The following DEPTOR variants were observed in gnomAD, a reference collection of about 807,000 sequenced individuals.
The protein encoded by DEPTOR is DEP domain-containing mTOR-interacting protein.
DEPTOR carries 41 observed loss-of-function variants against 41.6 expected under a neutral mutation model. The observed-to-expected ratio is 0.98, with a 90% CI of 0.77 to 1.28. The LOEUF (loss-of-function observed/expected upper bound fraction) is 1.28, where lower values mean the gene tolerates loss of function less well. DEPTOR is among the 50% of genes most tolerant of loss of function. DEPTOR has a pLI of 0.00. For synonymous variants in DEPTOR, 195 were observed against 192.3 expected, an observed-to-expected ratio of 1.01 and a Z score of -0.12; for missense variants, 514 against 527.9, an observed-to-expected ratio of 0.97 and a Z score of 0.26.
intron 1 of DEPTOR, among the ~76,000 whole-genome samples, chr8:119,879,573 G>A (rs1009318412): frequency 4.6e-5 from 7 of 151,158 alleles, no homozygotes; most frequent in East Asian, 2.0e-4. Flanking sequence ...TTATCTGTGC[G>A]TGGTGGTACA....
chr8:120,011,055 T>C (rs142993757), intron 8 of DEPTOR, among the ~76,000 whole-genome samples: 77 of 152,324 alleles, frequency 5.1e-4, no homozygotes, highest in African/African-American at 1.8e-3. Flanking sequence ...TCCTCTTCCA[T>C]CAGTCTTTTC....
chr8:119,994,032 T>C (rs1812216428), intron 4 of DEPTOR, among the ~76,000 whole-genome samples: 1 of 151,864 alleles, frequency 6.6e-6, no homozygotes, highest in South Asian at 2.1e-4. Flanking sequence ...GGCAGGTGCC[T>C]GTAATCCCAG....
intron 4 of DEPTOR, among the ~76,000 whole-genome samples, chr8:119,993,140 G>A (rs566353129): frequency 1.3e-5 from 2 of 152,174 alleles, no homozygotes; most frequent in East Asian, 1.9e-4. Flanking sequence ...ATGTAGTCAC[G>A]TTATCCCCAG....
chr8:120,047,689 T>G (rs1387338277), intron 8 of DEPTOR, among the ~76,000 whole-genome samples: 4 of 146,664 alleles, frequency 2.7e-5, no homozygotes, highest in East Asian at 2.2e-4. Context: ...TTTTCTAAAT[T>G]TTAAATGCTG....
Position 119,928,473 on chromosome 8 carries a change from G to T in DEPTOR, c.196G>T (p.Ala66Ser), listed in dbSNP as rs149224142. The T allele has an allele frequency of 3.7e-6, 6 of 1,614,002 alleles. No homozygotes were observed. Among genetic ancestry groups the T allele is most frequent in the African/African-American group, 1.3e-5 (1 of 74,898 alleles). Residue 66 changes from alanine (A) to serine (S), a missense_variant, in exon 2 of 9, where the codon GCA (alanine) becomes TCA (serine). Transcript: ENST00000286234. ...CAAGACCTACCCAAACTGTTTTGTC[G>T]CAAAAGAACTGATTGACTGGCTGAT... is the stretch of plus-strand genomic sequence containing the variant. ...HLKTYPNCFV[A>S]KELIDWLIEH...
At chr8:119,942,643 G>A (rs1359948112) in intron 3 of DEPTOR, among the ~76,000 whole-genome samples, 3 of 152,184 alleles carry the variant, frequency 2.0e-5, no homozygotes, top group Admixed American at 1.3e-4. Context: ...CCAAGTTTCT[G>A]TAACACTGAT....
intron 1 of DEPTOR, among the ~76,000 whole-genome samples, chr8:119,885,553 G>A (rs1005490450): frequency 5.9e-5 from 9 of 152,140 alleles, no homozygotes; most frequent in South Asian, 4.1e-4. Context: ...AGCCTAGGTC[G>A]TCATGAGAGA....
intron 3 of DEPTOR, among the ~76,000 whole-genome samples, chr8:119,932,461 T>C (rs1828057429): frequency 6.6e-6 from 1 of 152,216 alleles, no homozygotes; most frequent in Non-Finnish European, 1.5e-5. Flanking sequence ...GCAGACTTAC[T>C]CCAGCCTCAT....
At chr8:119,985,250 A>G (rs1490960931) in intron 4 of DEPTOR, among the ~76,000 whole-genome samples, 1 of 152,156 alleles carries the variant, frequency 6.6e-6, no homozygotes, top group Non-Finnish European at 1.5e-5. Flanking sequence ...TCGCCATTCT[A>G]ACTGGCATGA....
At chr8:119,901,664 A>T (rs1365724749) in intron 1 of DEPTOR, among the ~76,000 whole-genome samples, 1 of 149,440 alleles carries the variant, frequency 6.7e-6, no homozygotes, top group African/African-American at 2.5e-5. Flanking sequence ...CAACAGAGCA[A>T]GACTCTGTCT....
At chr8:119,918,938 A>AGTGTGTGTGTGTGTGTGTGTGTGT (rs751715374) in intron 1 of DEPTOR, among the ~76,000 whole-genome samples, 3 of 133,556 alleles carry the variant, frequency 2.2e-5, no homozygotes, top group South Asian at 2.6e-4. Context: ...TTGCATAGTG[A>AGTGTGTGTGTGTGTGTGTGTGTGT]GTGTGTGTGT....
chr8:120,021,224 G>A (rs184223038), intron 8 of DEPTOR, among the ~76,000 whole-genome samples: 2,023 of 151,924 alleles, frequency 0.013, 39 homozygotes, highest in African/African-American at 0.046. Context: ...CCAACATGGC[G>A]AAACCCCGTC....
chr8:119,982,014 TAAAAAAAAA>T lies in DEPTOR; in HGVS notation c.604+16622_604+16630del, dbSNP rs35334859. Among the ~76,000 whole-genome samples the T allele has an allele frequency of 1.2e-4, 8 of 65,696 alleles. 1 individual carries two copies. In the Middle Eastern group the frequency reaches 0.031, roughly 251 times the overall value. The allele number at this position is 65,696 out of a possible 152,430, so 43.1% of individuals were successfully genotyped here. The stretch of plus-strand genomic sequence containing the variant: ...AGTCGACAGTGTGAGATTCCATCTC[TAAAAAAAAA>T]AAAAAAAAAAAAAAAAATTCTAGTT... On this transcript the variant is annotated intron_variant, in intron 4 of 8. Coordinates refer to ENST00000286234, the MANE Select transcript of DEPTOR (RefSeq NM_022783.4).
At chr8:119,940,696 C>T (rs957853789) in intron 3 of DEPTOR, among the ~76,000 whole-genome samples, 6 of 151,978 alleles carry the variant, frequency 3.9e-5, no homozygotes, top group African/African-American at 7.3e-5. Context: ...GCCGAAATCG[C>T]GCCATTGCAC....
In DEPTOR at chr8:119,965,479, C is replaced by G. The variant is rs118032187; in HGVS notation, c.604+69C>G. 2.0e-6 allele frequency: 3 copies of G among 1,538,160 alleles called. No homozygotes were observed. In the African/African-American group the frequency reaches 4.1e-5, roughly 21 times the overall value. ...CCCCAAATCTTGTGTCTTACAACAA[C>G]ACGTACTTATTTCTCACTCATGAAT... On this transcript the variant is annotated intron_variant, in intron 4 of 8. Transcript: ENST00000286234.
chr8:120,037,540 C>A (rs1431814085), intron 8 of DEPTOR, among the ~76,000 whole-genome samples: 1 of 152,110 alleles, frequency 6.6e-6, no homozygotes, highest in African/African-American at 2.4e-5. Flanking sequence ...GAAGCATTGT[C>A]ACCGTGGGTA....
At chr8:120,032,881 A>G (rs1563598170) in intron 8 of DEPTOR, among the ~76,000 whole-genome samples, 1 of 152,146 alleles carries the variant, frequency 6.6e-6, no homozygotes, top group Non-Finnish European at 1.5e-5. Flanking sequence ...AGTTGACACC[A>G]AAAAGCTCCA....
chr8:119,885,023 G>A (rs1456713270), intron 1 of DEPTOR, among the ~76,000 whole-genome samples: 1 of 152,100 alleles, frequency 6.6e-6, no homozygotes, highest in Admixed American at 6.6e-5. Flanking sequence ...CAATCGGCCC[G>A]TTTTGGATTA....
chr8:119,929,655 T>C (rs976003571), intron 2 of DEPTOR, among the ~76,000 whole-genome samples, 160 bp from the exon 3 acceptor site: 4 of 152,216 alleles, frequency 2.6e-5, no homozygotes, highest in Admixed American at 2.0e-4. Context: ...TACCAAGTAC[T>C]ATGTAACTAT....
Sources: gnomAD v4.1 joint callset for allele counts (sites outside exome capture counted in the v4.1 genomes callset) on GRCh38, gnomAD v4.1.1 for gene constraint, MANE v1.5 for transcripts, NCBI Gene and HGNC (gene_info 2026-07-23, HGNC 2026-07-21) for gene names.